Variants in NRG2 observed in about 807,000 individuals in gnomAD.
The protein encoded by NRG2 is neuregulin 2, also known as pro-neuregulin-2, membrane-bound isoform.
NRG2 carries 27 observed loss-of-function variants against 73.9 expected under a neutral mutation model. The ratio of observed to expected loss-of-function variants is 0.37; its 90% CI spans 0.27 to 0.50. The LOEUF (loss-of-function observed/expected upper bound fraction) is 0.50. NRG2 is among the 20% of genes least tolerant of loss of function. The pLI, the probability that NRG2 is intolerant of heterozygous loss-of-function variation, is 0.96. For missense variants in NRG2, 1,126 were observed against 1,210.1 expected, an observed-to-expected ratio of 0.93 and a Z score of 1.03; for synonymous variants, 532 against 541.0, an observed-to-expected ratio of 0.98 and a Z score of 0.23.
At chr5:139,876,830 A>G (rs1023021083) in intron 3 of NRG2, among the ~76,000 whole-genome samples, 1 of 151,738 alleles carries the variant, frequency 6.6e-6, no homozygotes, top group African/African-American at 2.4e-5. Flanking sequence ...CATTTGAGGG[A>G]CTTTCTTGGG....
In NRG2 at chr5:140,010,912, C is replaced by A. The variant is rs534275888; in HGVS notation, c.700+31458G>T. ...TTAAACATTCTTTGAATCTGGCCCC[C>A]CTTCATAAGGCCTACTGCCTTGCCT... On this transcript the variant is annotated intron_variant, in intron 1 of 9. Transcript: ENST00000361474. 1.3e-3 allele frequency among the ~76,000 whole-genome samples: 191 copies of A among 152,358 alleles called. 1 individual carries two copies. The highest frequency in any genetic ancestry group is 2.1e-3 in the Non-Finnish European group (142 of 68,036).
At chr5:139,989,009 CATTA>C (rs1757379108) in intron 1 of NRG2, among the ~76,000 whole-genome samples, 1 of 151,938 alleles carries the variant, frequency 6.6e-6, no homozygotes, top group Admixed American at 6.6e-5. Context: ...AAAAGAAAGA[CATTA>C]ATTGAATTTG....
chr5:139,935,234 G>A (rs1388550791), intron 1 of NRG2, among the ~76,000 whole-genome samples: 1 of 152,090 alleles, frequency 6.6e-6, no homozygotes, highest in African/African-American at 2.4e-5. Flanking sequence ...TTTAGAAATA[G>A]AGAAATTTAG....
At chr5:139,916,412 G>A (rs1751257889) in intron 1 of NRG2, among the ~76,000 whole-genome samples, 1 of 152,182 alleles carries the variant, frequency 6.6e-6, no homozygotes, top group Non-Finnish European at 1.5e-5. Flanking sequence ...TAATTCACAT[G>A]CCATGCAAAT....
intron 1 of NRG2, among the ~76,000 whole-genome samples, chr5:139,927,153 C>T (rs971529265): frequency 6.6e-6 from 1 of 152,198 alleles, no homozygotes; most frequent in Non-Finnish European, 1.5e-5. Context: ...GATTCTCATA[C>T]AGTCCTGCTC....
chr5:139,853,087 C>G lies in NRG2; in HGVS notation c.1293-60G>C. On this transcript the variant is annotated intron_variant, in intron 6 of 9. Coordinates refer to ENST00000361474, the MANE Select transcript of NRG2 (RefSeq NM_004883.3). This position sits in a 1 kb window ranked among gnomAD's most constrained non-coding sequence, Gnocchi z 4.1. Reference sequence around the variant, plus strand: ...CCCCCACTCGCCAACGATGAACTTCCCTAGCTATCTCTCTAGGGAAACAGC... The same window carrying G: ...CCCCCACTCGCCAACGATGAACTTCGCTAGCTATCTCTCTAGGGAAACAGC... The G allele has an allele frequency of 6.2e-7, 1 of 1,605,640 alleles. No homozygotes were observed. Among genetic ancestry groups the G allele is most frequent in the Admixed American group, 1.7e-5 (1 of 58,648 alleles).
rs1027975205 is a variant in NRG2 at position 139,852,618 on chromosome 5, G to T, written c.1417-59C>A. 5.7e-6 allele frequency: 9 copies of T among 1,589,746 alleles called. No individual in the cohort carries two copies. The highest frequency in any genetic ancestry group is 1.2e-5 in the South Asian group (1 of 84,956). The stretch of plus-strand genomic sequence containing the variant: ...CTGGGGCCCAAATGAACTCTTTCTT[G>T]TTGGGGACAGGGAAGTGATGAGCAC... On this transcript the variant is annotated intron_variant, in intron 7 of 9. Coordinates refer to ENST00000361474, the MANE Select transcript of NRG2 (RefSeq NM_004883.3). The surrounding 1 kb of genome is among the most constrained non-coding windows in gnomAD (Gnocchi z 4.4).
At chr5:139,950,211 A>G (rs921658848) in intron 1 of NRG2, among the ~76,000 whole-genome samples, 1 of 152,182 alleles carries the variant, frequency 6.6e-6, no homozygotes, top group Non-Finnish European at 1.5e-5. Flanking sequence ...ACCACAGACC[A>G]AACTCCCAAT....
intron 2 of NRG2, among the ~76,000 whole-genome samples, chr5:139,883,820 C>T (rs1365322711): frequency 6.6e-6 from 1 of 152,160 alleles, no homozygotes; most frequent in Non-Finnish European, 1.5e-5. Flanking sequence ...AGGGGCAGAA[C>T]AGGGAGAACA....
At position 139,871,727 on chromosome 5, in the gene NRG2, G is replaced by A; in HGVS notation, c.1106C>T (p.Ser369Phe). The change falls in exon 4 of 10, where the codon TCC becomes TTC. Residue 369 changes from serine to phenylalanine, a missense_variant. This residue lies in a region of NRG2 where 539 missense variants were observed against 703.2 expected (regional missense o/e 0.77). Transcript: ENST00000361474. The part of the protein sequence containing the change: ...CYYIEGINQL[S>F]CKCPNGFFGQ... The stretch of plus-strand genomic sequence containing the variant: ...ACCCCTACTGGTCACTTACTTGCAG[G>A]AGAGCTGGTTGATGCCCTCGATGTA... 3.1e-6 allele frequency: 5 copies of A among 1,614,034 alleles called. No individual in the cohort carries two copies. Among genetic ancestry groups the A allele is most frequent in the Non-Finnish European group, 4.2e-6 (5 of 1,179,966 alleles).
At chr5:140,013,389 T>C (rs1033514229) in intron 1 of NRG2, among the ~76,000 whole-genome samples, 1 of 152,224 alleles carries the variant, frequency 6.6e-6, no homozygotes, top group African/African-American at 2.4e-5. Context: ...GTTACTTCTA[T>C]ATTAAAAAAT....
chr5:139,898,349 T>G (rs1288405848), intron 1 of NRG2, among the ~76,000 whole-genome samples: 1 of 152,232 alleles, frequency 6.6e-6, no homozygotes, highest in African/African-American at 2.4e-5. Context: ...GTGGCTGGTT[T>G]AGGGGAGCAG....
chr5:140,039,448 G>T (rs28597089), intron 1 of NRG2, among the ~76,000 whole-genome samples: 2,028 of 152,176 alleles, frequency 0.013, 28 homozygotes, highest in African/African-American at 0.042. Context: ...ATCACCAGAT[G>T]TACTCTTTCT....
At chr5:140,004,141 C>A (rs1359929454) in intron 1 of NRG2, among the ~76,000 whole-genome samples, 2 of 152,168 alleles carry the variant, frequency 1.3e-5, no homozygotes. Flanking sequence ...GAAACTAATA[C>A]ACACAAGTAT....
chr5:140,022,875 T>C (rs1206775627), intron 1 of NRG2, among the ~76,000 whole-genome samples: 1 of 152,228 alleles, frequency 6.6e-6, no homozygotes, highest in Non-Finnish European at 1.5e-5. Context: ...TCTCCATTTT[T>C]GTTAATGGTG....
At chr5:139,918,894 G>A (rs1158567952) in intron 1 of NRG2, among the ~76,000 whole-genome samples, 1 of 152,190 alleles carries the variant, frequency 6.6e-6, no homozygotes, top group Non-Finnish European at 1.5e-5. Flanking sequence ...GTAGAAGCCA[G>A]GAAGAAATCA....
chr5:139,872,287 T>G (rs1186403503), intron 3 of NRG2, among the ~76,000 whole-genome samples: 3 of 152,188 alleles, frequency 2.0e-5, no homozygotes, highest in African/African-American at 7.2e-5. Context: ...CCTGCATGGC[T>G]TGGGCTCTCA....
At chr5:139,861,393 T>C (rs1762135258) in intron 5 of NRG2, among the ~76,000 whole-genome samples, 1 of 152,198 alleles carries the variant, frequency 6.6e-6, no homozygotes, top group African/African-American at 2.4e-5. Context: ...TACTTCCTGA[T>C]AGGGATTCCA....
chr5:139,956,359 C>T (rs1459316598), intron 1 of NRG2, among the ~76,000 whole-genome samples: 1 of 151,020 alleles, frequency 6.6e-6, no homozygotes, highest in East Asian at 2.0e-4. Context: ...CAGTAATCTC[C>T]CCCCTCTCTG....
Sources: gnomAD v4.1 joint callset for allele counts (sites outside exome capture counted in the v4.1 genomes callset) on GRCh38, gnomAD v4.1.1 for gene constraint, gnomAD v4.1.1 regional missense constraint, Gnocchi (gnomAD v3.1) non-coding constraint, MANE v1.5 for transcripts, NCBI Gene and HGNC (gene_info 2026-07-23, HGNC 2026-07-21) for gene names.